The following CACNA1S variants were observed in gnomAD, a reference collection of about 807,000 sequenced individuals.
CACNA1S encodes the protein calcium voltage-gated channel subunit alpha1 S, also known as voltage-dependent L-type calcium channel subunit alpha-1S.
Under a neutral mutation model 207.4 loss-of-function variants are expected in CACNA1S, and 126 were observed. The observed-to-expected ratio is 0.61, with a 90% CI of 0.53 to 0.70. The LOEUF (loss-of-function observed/expected upper bound fraction) is 0.70. CACNA1S is among the 30% of genes least tolerant of loss of function. The probability of loss-of-function intolerance (pLI) is 0.00; values close to 1 mark genes in which losing one functional copy is unlikely to be tolerated. For synonymous variants in CACNA1S, 960 were observed against 932.7 expected (o/e 1.03, Z -0.53); for missense variants, 2,349 against 2,422.8 (o/e 0.97, Z 0.64).
chr1:201,065,452 C>T (rs1661206616), intron 22 of CACNA1S, among the ~76,000 whole-genome samples: 4 of 152,128 alleles, frequency 2.6e-5, no homozygotes, highest in Admixed American at 2.0e-4. Context: ...TAACCGTTTT[C>T]TTGTTTTGTT....
At position 201,061,348 on chromosome 1, in the gene CACNA1S, G is replaced by A. The variant is rs758353378; in HGVS notation, c.3174C>T (p.Asn1058=). 16 of 1,614,188 alleles carry A rather than the reference G, an allele frequency of 9.9e-6. No homozygotes were observed. Among genetic ancestry groups the A allele is most frequent in the Middle Eastern group, 3.3e-4 (2 of 6,062 alleles). ...TGACAATGACGAAGCCCACAAAGAT[G>A]TTCATCATGAAGAAGGCAATGAGGA... is the stretch of plus-strand genomic sequence containing the variant. The part of the protein sequence containing the change: ...YIILIAFFMM[N]IFVGFVIVTF... Residue 1058 remains asparagine (N), a synonymous_variant, in exon 25 of 44, where the codon AAC becomes AAT. Transcript: ENST00000362061.
chr1:201,089,706 T>A (rs2102161130), intron 5 of CACNA1S, among the ~76,000 whole-genome samples: 1 of 152,328 alleles, frequency 6.6e-6, no homozygotes, highest in Admixed American at 6.5e-5. Context: ...CAGGGTCGGC[T>A]TCTAGGATTA....
chr1:201,074,656 G>T, intron 13 of CACNA1S, 36 bp from the exon 14 acceptor site: 1 of 1,356,704 alleles, frequency 7.4e-7, no homozygotes, highest in Non-Finnish European at 1.1e-6. Flanking sequence ...TTGGTTGTAG[G>T]TGGAAGGGAG....
chr1:201,082,211 T>G (rs987471637), intron 10 of CACNA1S, among the ~76,000 whole-genome samples: 8 of 152,080 alleles, frequency 5.3e-5, no homozygotes, highest in African/African-American at 1.9e-4. Flanking sequence ...GTATTTTTAG[T>G]AGAGATGGGG....
chr1:201,070,157 C>CT, intron 17 of CACNA1S, 115 bp downstream of exon 17: 1 of 1,152,600 alleles, frequency 8.7e-7, no homozygotes, highest in Non-Finnish European at 1.3e-6. Context: ...AGCTAAAACA[C>CT]TGAGTTTCTC....
chr1:201,068,068 G>A (rs939922770), intron 19 of CACNA1S, among the ~76,000 whole-genome samples: 3 of 151,974 alleles, frequency 2.0e-5, no homozygotes, highest in Admixed American at 6.6e-5. Flanking sequence ...GAGCAGTGAC[G>A]TGCTGTGGAT....
intron 22 of CACNA1S, among the ~76,000 whole-genome samples, chr1:201,063,158 G>C (rs2102577951): frequency 6.6e-6 from 1 of 151,120 alleles, no homozygotes; most frequent in East Asian, 1.9e-4. Flanking sequence ...AGGCTTTGCA[G>C]ATTATTTATT....
chr1:201,054,933 T>C (rs1660785176), intron 28 of CACNA1S, among the ~76,000 whole-genome samples: 1 of 152,138 alleles, frequency 6.6e-6, no homozygotes, highest in African/African-American at 2.4e-5. Flanking sequence ...CATTGGAAGA[T>C]GCCTGCTCAT....
At chr1:201,087,965 G>T in intron 6 of CACNA1S, 36 bp from the exon 7 acceptor site, 1 of 1,428,172 alleles carries the variant, frequency 7.0e-7, no homozygotes, top group Non-Finnish European at 9.8e-7. Context: ...CTGAGTTGAG[G>T]GCTTGGTTCC....
At position 201,093,967 on chromosome 1, in the gene CACNA1S, T is replaced by C; in HGVS notation, c.313A>G (p.Ile105Val). The C allele has an allele frequency of 2.5e-6, 4 of 1,614,152 alleles. No homozygotes were observed. The South Asian group carries it at 3.3e-5, about 13-fold the overall frequency. ...IVFSIEAAMK[I>V]IAYGFLFHQD... is the part of the protein sequence containing the mutation. The stretch of plus-strand genomic sequence containing the variant: ...TGGAATAAGAAGCCGTAGGCAATGA[T>C]CTTCATGGCGGCTTCAATCGAGAAG... Residue 105 changes from isoleucine (I) to valine (V), a missense_variant, in exon 3 of 44, where the codon ATC becomes GTC. Physicochemically the swap from Ile to Val is conservative, Grantham distance 29 (BLOSUM62 3). Transcript: ENST00000362061.
chr1:201,041,700 C>T, intron 40 of CACNA1S, 111 bp from the exon 41 acceptor site: 2 of 798,918 alleles, frequency 2.5e-6, no homozygotes, highest in Non-Finnish European at 4.3e-6. Context: ...CAAGGCCAAC[C>T]TAGTGTAGCA....
At chr1:201,041,767 T>C (rs1399524234) in intron 40 of CACNA1S, 178 bp from the exon 41 acceptor site, 1 of 678,554 alleles carries the variant, frequency 1.5e-6, no homozygotes, top group African/African-American at 1.8e-5. Flanking sequence ...CCTGACTCTC[T>C]AGGAGGAAGG....
Position 201,060,708 on chromosome 1 carries a change from A to G in CACNA1S, c.3364T>C (p.Tyr1122His), listed in dbSNP as rs767162159. 4 of 1,614,208 alleles carry G rather than the reference A, an allele frequency of 2.5e-6. No homozygotes were observed. Among genetic ancestry groups the G allele is most frequent in the East Asian group, 4.5e-5 (2 of 44,882 alleles). The change falls in exon 26 of 44, where the codon TAC becomes CAC. Residue 1122 changes from tyrosine to histidine, a missense_variant. Physicochemically the swap from Tyr to His is moderately conservative, Grantham distance 83 (BLOSUM62 2). Coordinates refer to ENST00000362061, the MANE Select transcript of CACNA1S (RefSeq NM_000069.3). ...WYIVTSSYFE[Y>H]LMFALIMLNT... Reference sequence around the variant, plus strand: ...AGCATGATGAGGGCAAACATCAGGTATTCAAAGTAGGAGGAGGTGACAATG... The same window carrying G: ...AGCATGATGAGGGCAAACATCAGGTGTTCAAAGTAGGAGGAGGTGACAATG...
At position 201,047,578 on chromosome 1, in the gene CACNA1S, A is replaced by G. The variant is rs752620158; in HGVS notation, c.4490T>C (p.Ile1497Thr). Residue 1497 changes from isoleucine to threonine, a missense_variant, in exon 37 of 44, where the codon ATC becomes ACC. Physicochemically the swap from Ile to Thr is moderately conservative, Grantham distance 89 (BLOSUM62 -1). Transcript: ENST00000362061. Reference sequence around the variant, plus strand: ...GAGCTTCATGCTGGTTCTCTTCCAGATCTTCTTGATGATGGCCCTCAGCTC... The same window carrying G: ...GAGCTTCATGCTGGTTCTCTTCCAGGTCTTCTTGATGATGGCCCTCAGCTC... ...NEELRAIIKK[I>T]WKRTSMKLLD... The G allele has an allele frequency of 6.8e-6, 11 of 1,614,048 alleles. No homozygotes were observed. The highest frequency in any genetic ancestry group is 3.3e-4 in the Middle Eastern group (2 of 6,084).
Position 201,044,467 on chromosome 1 carries a change from C to G in CACNA1S, c.4669-11G>C. ...GGTCCGCAGCCCTGCCTGGGGATGACGAAGGGACTCAGTTATCTCTCCAGC... is the reference window on the plus strand; with the variant it reads ...GGTCCGCAGCCCTGCCTGGGGATGAGGAAGGGACTCAGTTATCTCTCCAGC... On this transcript the variant is annotated splice_polypyrimidine_tract_variant and intron_variant, in intron 38 of 43. Coordinates refer to ENST00000362061, the MANE Select transcript of CACNA1S (RefSeq NM_000069.3). 1 of 1,610,924 alleles carries G rather than the reference C, an allele frequency of 6.2e-7. No homozygotes were observed. The highest frequency in any genetic ancestry group is 8.5e-7 in the Non-Finnish European group (1 of 1,179,402).
chr1:201,090,738 G>A (rs1052932714), intron 5 of CACNA1S, among the ~76,000 whole-genome samples: 84 of 152,242 alleles, frequency 5.5e-4, no homozygotes, highest in Middle Eastern at 3.4e-3. Flanking sequence ...TCTCAACAAT[G>A]TAGACTGGAA....
intron 15 of CACNA1S, among the ~76,000 whole-genome samples, chr1:201,073,266 G>A (rs995418475): frequency 2.6e-5 from 4 of 152,204 alleles, no homozygotes; most frequent in African/African-American, 9.6e-5. Context: ...GTGGAACAGC[G>A]GGTGTCAGGG....
At chr1:201,072,084 C>A (rs1257594895) in intron 16 of CACNA1S, among the ~76,000 whole-genome samples, 1 of 152,138 alleles carries the variant, frequency 6.6e-6, no homozygotes, top group African/African-American at 2.4e-5. Context: ...GACCCAGGAC[C>A]CAGAGAGTTC....
At chr1:201,071,548 T>C (rs975568206) in intron 16 of CACNA1S, among the ~76,000 whole-genome samples, 3 of 152,204 alleles carry the variant, frequency 2.0e-5, no homozygotes, top group African/African-American at 7.2e-5. Context: ...TCAAACTATT[T>C]TTAGAAAGAA....
Sources: gnomAD v4.1 joint callset for allele counts (sites outside exome capture counted in the v4.1 genomes callset) on GRCh38, gnomAD v4.1.1 for gene constraint, MANE v1.5 for transcripts, NCBI Gene and HGNC (gene_info 2026-07-23, HGNC 2026-07-21) for gene names.